CHCHD6: variants seen among roughly 807,000 people sequenced by gnomAD.
CHCHD6 encodes MICOS complex subunit MIC25.
Under a neutral mutation model 32.3 loss-of-function variants are expected in CHCHD6, and 28 were observed. The observed-to-expected ratio is 0.87, with a 90% CI of 0.64 to 1.19. The LOEUF (loss-of-function observed/expected upper bound fraction) is 1.19, where lower values mean the gene tolerates loss of function less well. Ranked by LOEUF, CHCHD6 falls within the 50% of genes most tolerant of loss-of-function variation. CHCHD6 has a pLI of 0.00. For synonymous variants in CHCHD6, 122 were observed against 117.5 expected (o/e 1.04, Z -0.25); for missense variants, 333 against 307.0 (o/e 1.08, Z -0.63).
chr3:126,957,378 A>C, intron 6 of CHCHD6, 38 bp from the exon 7 acceptor site: 1 of 1,599,520 alleles, frequency 6.3e-7, no homozygotes, highest in Non-Finnish European at 8.5e-7. Context: ...GCCTGCTGGC[A>C]CCTGAGCCCC....
At chr3:126,828,384 C>G (rs1940498609) in intron 4 of CHCHD6, among the ~76,000 whole-genome samples, 1 of 152,226 alleles carries the variant, frequency 6.6e-6, no homozygotes, top group Admixed American at 6.5e-5. Flanking sequence ...GATGCCCAGG[C>G]CTCCAGTATC....
chr3:126,960,163 C>T (rs2078841039), intron 7 of CHCHD6, 33 bp from the exon 8 acceptor site: 1 of 1,551,232 alleles, frequency 6.4e-7, no homozygotes. Flanking sequence ...GCGGAGTGGG[C>T]CCTGACTCAA....
At chr3:126,843,761 A>G (rs1941192658) in intron 4 of CHCHD6, among the ~76,000 whole-genome samples, 2 of 152,298 alleles carry the variant, frequency 1.3e-5, no homozygotes, top group South Asian at 4.1e-4. Flanking sequence ...ACCACTTGAT[A>G]TTGAAATTGT....
chr3:126,809,381 C>T (rs753059637), intron 4 of CHCHD6, among the ~76,000 whole-genome samples: 3 of 152,200 alleles, frequency 2.0e-5, no homozygotes, highest in African/African-American at 7.2e-5. Flanking sequence ...TCTCCTTTTA[C>T]AGTTCTTCAA....
intron 4 of CHCHD6, among the ~76,000 whole-genome samples, chr3:126,765,259 A>G (rs558701120): frequency 4.6e-5 from 7 of 152,244 alleles, no homozygotes; most frequent in African/African-American, 1.7e-4. Context: ...AAAGCACCCA[A>G]ACCAGTCCAG....
intron 6 of CHCHD6, among the ~76,000 whole-genome samples, chr3:126,942,179 T>C (rs1017572720): frequency 6.6e-5 from 10 of 152,302 alleles, no homozygotes; most frequent in African/African-American, 2.4e-4. Flanking sequence ...ATCCCATCAG[T>C]AGGTTCAAGA....
At chr3:126,838,626 G>A (rs74380529) in intron 4 of CHCHD6, among the ~76,000 whole-genome samples, 4,578 of 152,298 alleles carry the variant, frequency 0.03, 96 homozygotes, top group Non-Finnish European at 0.039. Flanking sequence ...AGGGAGGGAC[G>A]GATTCTTGGT....
intron 4 of CHCHD6, among the ~76,000 whole-genome samples, chr3:126,777,245 G>A (rs1458351091): frequency 6.6e-6 from 1 of 152,076 alleles, no homozygotes; most frequent in African/African-American, 2.4e-5. Context: ...AGCTTGTAAG[G>A]TAGAAATCAT....
intron 5 of CHCHD6, among the ~76,000 whole-genome samples, chr3:126,911,550 G>T (rs1480164117): frequency 6.6e-6 from 1 of 152,262 alleles, no homozygotes; most frequent in African/African-American, 2.4e-5. Context: ...GATGAGTGGG[G>T]TAGGCGGGTC....
At chr3:126,848,058 C>T (rs1941352397) in intron 4 of CHCHD6, among the ~76,000 whole-genome samples, 1 of 152,206 alleles carries the variant, frequency 6.6e-6, no homozygotes, top group Non-Finnish European at 1.5e-5. Flanking sequence ...TAACTCACCG[C>T]AGCCTCAAAC....
chr3:126,761,362 T>C (rs1231978087), intron 4 of CHCHD6, among the ~76,000 whole-genome samples: 1 of 152,210 alleles, frequency 6.6e-6, no homozygotes, highest in East Asian at 1.9e-4. Context: ...GTGTCCAGAT[T>C]TTCCTCTTCA....
At chr3:126,841,811 G>T (rs961036729) in intron 4 of CHCHD6, among the ~76,000 whole-genome samples, 12 of 152,156 alleles carry the variant, frequency 7.9e-5, no homozygotes, top group Admixed American at 7.9e-4. Flanking sequence ...GCTACTAGGA[G>T]GCTGAGGTGG....
chr3:126,856,289 T>C (rs886765334), intron 5 of CHCHD6, among the ~76,000 whole-genome samples: 8 of 152,212 alleles, frequency 5.3e-5, no homozygotes, highest in Non-Finnish European at 8.8e-5. Context: ...CTCAATGCCC[T>C]GTACAGCTGT....
chr3:126,722,333 A>G (rs930445756), intron 1 of CHCHD6, among the ~76,000 whole-genome samples: 1 of 152,058 alleles, frequency 6.6e-6, no homozygotes, highest in Admixed American at 6.6e-5. Context: ...TTAAAAAAAA[A>G]TTTTTGTTTT....
chr3:126,914,850 C>T (rs971684670), intron 6 of CHCHD6, 100 bp downstream of exon 6: 1 of 725,952 alleles, frequency 1.4e-6, no homozygotes, highest in African/African-American at 1.7e-5. Context: ...TTTCAAGTTT[C>T]CCTAATAATA....
At chr3:126,918,210 A>G (rs997531536) in intron 6 of CHCHD6, among the ~76,000 whole-genome samples, 1 of 152,270 alleles carries the variant, frequency 6.6e-6, no homozygotes, top group Non-Finnish European at 1.5e-5. Context: ...ATTGTAAATT[A>G]CATCATAAAT....
At chr3:126,754,322 G>C (rs1314443750) in intron 4 of CHCHD6, among the ~76,000 whole-genome samples, 2 of 152,178 alleles carry the variant, frequency 1.3e-5, no homozygotes, top group Non-Finnish European at 2.9e-5. Flanking sequence ...AGAGTGCCTA[G>C]CTCAGTGCTT....
chr3:126,915,978 G>T (rs59637346), intron 6 of CHCHD6, among the ~76,000 whole-genome samples: 8,675 of 16,314 alleles, frequency 0.53, 774 homozygotes, highest in African/African-American at 0.55. Flanking sequence ...TGTAGAGATG[G>T]GGTTCACCAT....
chr3:126,894,852 A>G (rs938597914), intron 5 of CHCHD6, among the ~76,000 whole-genome samples: 1 of 152,264 alleles, frequency 6.6e-6, no homozygotes, highest in Non-Finnish European at 1.5e-5. Flanking sequence ...CATGTGCAAC[A>G]AAAGGTGCTT....
Sources: allele counts gnomAD v4.1 joint callset (sites outside exome capture counted in the v4.1 genomes callset), GRCh38; gene constraint gnomAD v4.1.1; transcripts MANE v1.5; gene names NCBI Gene and HGNC (gene_info 2026-07-23, HGNC 2026-07-21).